The following IMMP2L variants were observed in gnomAD, a reference collection of about 807,000 sequenced individuals.
IMMP2L encodes the protein inner mitochondrial membrane peptidase subunit 2, also known as mitochondrial inner membrane protease subunit 2.
Under a neutral mutation model 19.3 loss-of-function variants are expected in IMMP2L, and 18 were observed. The observed-to-expected ratio is 0.93, with a 90% CI of 0.64 to 1.38. IMMP2L has a LOEUF of 1.38. Ranked by LOEUF, IMMP2L falls within the 40% of genes most tolerant of loss-of-function variation. IMMP2L has a pLI of 0.00. For missense variants in IMMP2L, 233 were observed against 218.2 expected, an observed-to-expected ratio of 1.07 and a Z score of -0.43; for synonymous variants, 76 against 73.0, an observed-to-expected ratio of 1.04 and a Z score of -0.21.
chr7:111,015,106 A>G (rs1825368695), intron 3 of IMMP2L, among the ~76,000 whole-genome samples: 1 of 152,184 alleles, frequency 6.6e-6, no homozygotes, highest in Non-Finnish European at 1.5e-5. Flanking sequence ...TTTCACACCC[A>G]TGTTCACAGC....
intron 3 of IMMP2L, among the ~76,000 whole-genome samples, chr7:111,084,248 A>G (rs1484026713): frequency 6.6e-6 from 1 of 151,506 alleles, no homozygotes; most frequent in Admixed American, 6.6e-5. Context: ...GAGGCACAAG[A>G]TCCAAAGTTC....
intron 3 of IMMP2L, among the ~76,000 whole-genome samples, chr7:111,006,916 C>T (rs549186023): frequency 4.6e-5 from 7 of 152,250 alleles, no homozygotes; most frequent in Admixed American, 3.3e-4. Context: ...GATATATCAG[C>T]ACACAAATAT....
At chr7:110,963,605 A>G in intron 3 of IMMP2L, 40 bp from the exon 4 acceptor site, 1 of 1,275,520 alleles carries the variant, frequency 7.8e-7, no homozygotes, top group Non-Finnish European at 1.1e-6. Context: ...AGTTATGTCT[A>G]TGTTGTTTTA....
intron 3 of IMMP2L, among the ~76,000 whole-genome samples, chr7:111,293,973 T>C (rs111419687): frequency 0.018 from 2,685 of 152,076 alleles, 35 homozygotes; most frequent in Non-Finnish European, 0.028. Context: ...AGGATATTAA[T>C]AGAACAGAGA....
intron 3 of IMMP2L, among the ~76,000 whole-genome samples, chr7:111,392,452 T>C (rs1013699471): frequency 6.6e-6 from 1 of 152,152 alleles, no homozygotes; most frequent in East Asian, 1.9e-4. Flanking sequence ...AACCTATTAC[T>C]TCTTTACCTC....
chr7:111,281,158 G>GAAAGAA (rs1819713292), intron 3 of IMMP2L, among the ~76,000 whole-genome samples: 1 of 19,676 alleles, frequency 5.1e-5, no homozygotes, highest in African/African-American at 1.9e-4. Flanking sequence ...CAGAAAGACA[G>GAAAGAA]AAAGAAAGAA....
chr7:111,460,639 A>C (rs1276253541), intron 3 of IMMP2L, among the ~76,000 whole-genome samples: 4 of 152,026 alleles, frequency 2.6e-5, no homozygotes, highest in Admixed American at 1.3e-4. Flanking sequence ...TCCTATCAAA[A>C]TCCTTCTTTG....
chr7:110,837,529 T>C (rs1459619892), intron 5 of IMMP2L, among the ~76,000 whole-genome samples: 2 of 152,108 alleles, frequency 1.3e-5, no homozygotes. Flanking sequence ...GACATGAGGC[T>C]GAAGGAGGGA....
At position 111,030,882 on chromosome 7, in the gene IMMP2L, GTGTATATATATATATATATATATATA is replaced by G. The variant is rs1349264207; in HGVS notation, c.240-67343_240-67318del. On this transcript the variant is annotated intron_variant, in intron 3 of 5. Coordinates refer to ENST00000405709, the MANE Select transcript of IMMP2L (RefSeq NM_032549.4). ...TATGTGTGTGTATGTGTGTGTGTGTGTGTATATATATATATATATATATATATATATATATATATATATAAAATATA... is the reference window on the plus strand; with the variant it reads ...TATGTGTGTGTATGTGTGTGTGTGTGTATATATATATATATATAAAATATA... Among the ~76,000 whole-genome samples the G allele has an allele frequency of 7.9e-5, 4 of 50,766 alleles. No homozygotes were observed. In the Admixed American group the frequency reaches 1.1e-3, roughly 14 times the overall value. The allele number at this position is 50,766 out of a possible 152,430, so 33.3% of individuals were successfully genotyped here.
chr7:111,191,546 A>T (rs1562906919), intron 3 of IMMP2L, among the ~76,000 whole-genome samples: 1 of 151,872 alleles, frequency 6.6e-6, no homozygotes, highest in Non-Finnish European at 1.5e-5. Flanking sequence ...CTTCCAGGCA[A>T]ATTCCCTAAA....
intron 3 of IMMP2L, among the ~76,000 whole-genome samples, chr7:110,998,891 C>T (rs959512843): frequency 3.3e-5 from 5 of 152,142 alleles, no homozygotes; most frequent in Non-Finnish European, 7.4e-5. Context: ...TGTTAACAAA[C>T]TTACAGCAAT....
intron 1 of IMMP2L, among the ~76,000 whole-genome samples, chr7:111,541,199 C>T (rs759417961): frequency 3.9e-5 from 6 of 152,096 alleles, no homozygotes; most frequent in Non-Finnish European, 8.8e-5. Context: ...AATTACTTAT[C>T]TTCCATGATA....
intron 3 of IMMP2L, among the ~76,000 whole-genome samples, chr7:111,010,702 C>T (rs984729013): frequency 3.4e-4 from 52 of 152,142 alleles, no homozygotes; most frequent in African/African-American, 1.2e-3. Flanking sequence ...GGTCAAAGAA[C>T]AAGCTAGGTC....
At chr7:110,779,940 A>G (rs1048787539) in intron 5 of IMMP2L, among the ~76,000 whole-genome samples, 4 of 151,898 alleles carry the variant, frequency 2.6e-5, no homozygotes, top group African/African-American at 9.7e-5. Flanking sequence ...AGAGGAAAAC[A>G]CACGTTGGCT....
Position 110,821,583 on chromosome 7 carries a change from A to G in IMMP2L, c.408+65010T>C, listed in dbSNP as rs966027834. On this transcript the variant is annotated intron_variant, in intron 5 of 5. Coordinates refer to ENST00000405709, the MANE Select transcript of IMMP2L (RefSeq NM_032549.4). ...ACCTAGACATTTATGATATGTCATA[A>G]TTACAAAGTCAAGCTGCTTTAAATC... Among the ~76,000 whole-genome samples the G allele has an allele frequency of 2.6e-5, 4 of 152,062 alleles. No homozygotes were observed. The East Asian group carries it at 7.7e-4, about 29-fold the overall frequency.
At chr7:111,502,773 G>A (rs1175086375) in intron 2 of IMMP2L, among the ~76,000 whole-genome samples, 9 of 150,926 alleles carry the variant, frequency 6.0e-5, no homozygotes, top group African/African-American at 2.0e-4. Context: ...TGAAACCAAC[G>A]AGAACAAAGA....
intron 1 of IMMP2L, among the ~76,000 whole-genome samples, chr7:111,527,060 G>T (rs1236363049): frequency 6.6e-6 from 1 of 152,020 alleles, no homozygotes; most frequent in Admixed American, 6.6e-5. Flanking sequence ...AAAGGAGCAT[G>T]GTAATGAGAC....
intron 5 of IMMP2L, among the ~76,000 whole-genome samples, chr7:110,780,300 T>G (rs1250763331): frequency 6.6e-6 from 1 of 150,990 alleles, no homozygotes; most frequent in East Asian, 1.9e-4. Flanking sequence ...CTCTATATAC[T>G]AGATAGAAAA....
At chr7:111,064,111 G>C (rs923588706) in intron 3 of IMMP2L, among the ~76,000 whole-genome samples, 1 of 152,144 alleles carries the variant, frequency 6.6e-6, no homozygotes, top group Non-Finnish European at 1.5e-5. Flanking sequence ...GGGTTTATTG[G>C]ACTCACAGCT....
Sources: allele counts gnomAD v4.1 joint callset (sites outside exome capture counted in the v4.1 genomes callset), GRCh38; gene constraint gnomAD v4.1.1; transcripts MANE v1.5; gene names NCBI Gene and HGNC (gene_info 2026-07-23, HGNC 2026-07-21).